The following ACSS3 variants were observed in gnomAD, a reference collection of about 807,000 sequenced individuals.
The protein encoded by ACSS3 is acyl-CoA synthetase short chain family member 3.
In ACSS3, 64 loss-of-function variants were observed where a neutral mutation model predicts 84.2. The observed-to-expected ratio is 0.76, with a 90% CI of 0.62 to 0.94. The LOEUF is 0.94. Ranked by LOEUF, ACSS3 falls within the 40% of genes least tolerant of loss-of-function variation. ACSS3 has a pLI of 0.00. For synonymous variants in ACSS3, 317 were observed against 310.1 expected, an observed-to-expected ratio of 1.02 and a Z score of -0.23; for missense variants, 815 against 867.6, an observed-to-expected ratio of 0.94 and a Z score of 0.76.
intron 2 of ACSS3, among the ~76,000 whole-genome samples, chr12:81,131,194 A>T (rs1055367347): frequency 6.6e-6 from 1 of 152,056 alleles, no homozygotes; most frequent in Non-Finnish European, 1.5e-5. Flanking sequence ...GGGGATGGCA[A>T]TAAATCTATA....
At chr12:81,233,606 C>T (rs2033535830) in intron 13 of ACSS3, 135 bp downstream of exon 13, 8 of 1,057,654 alleles carry the variant, frequency 7.6e-6, no homozygotes, top group Admixed American at 2.5e-5. Flanking sequence ...ACTCTTACAT[C>T]TCTCCCACCT....
At chr12:81,175,925 A>AT (rs1233510366) in intron 8 of ACSS3, among the ~76,000 whole-genome samples, 2 of 152,182 alleles carry the variant, frequency 1.3e-5, no homozygotes, top group Non-Finnish European at 2.9e-5. Flanking sequence ...TAACAATGTA[A>AT]TGTCACACCC....
intron 2 of ACSS3, among the ~76,000 whole-genome samples, chr12:81,131,099 T>A (rs1300753897): frequency 6.6e-6 from 1 of 152,246 alleles, no homozygotes; most frequent in Admixed American, 6.5e-5. Flanking sequence ...TAGGATTGTC[T>A]TAGCAATGCA....
At chr12:81,190,621 C>G (rs1397894213) in intron 8 of ACSS3, among the ~76,000 whole-genome samples, 2 of 151,884 alleles carry the variant, frequency 1.3e-5, no homozygotes, top group Non-Finnish European at 1.5e-5. Flanking sequence ...TTCCTAGGAT[C>G]CTCCAGTAAA....
intron 11 of ACSS3, among the ~76,000 whole-genome samples, chr12:81,224,058 A>G (rs756882870): frequency 5.9e-5 from 9 of 151,872 alleles, no homozygotes; most frequent in Non-Finnish European, 1.2e-4. Flanking sequence ...ATGATCTTTT[A>G]GGAAAGGGAA....
At chr12:81,233,990 G>A (rs549790536) in intron 13 of ACSS3, among the ~76,000 whole-genome samples, 7 of 151,434 alleles carry the variant, frequency 4.6e-5, no homozygotes, top group Non-Finnish European at 1.0e-4. Flanking sequence ...ACAGTTTCTT[G>A]TAACCATCAC....
chr12:81,217,628 A>G (rs1200165393), intron 10 of ACSS3, among the ~76,000 whole-genome samples: 1 of 152,158 alleles, frequency 6.6e-6, no homozygotes, highest in Non-Finnish European at 1.5e-5. Context: ...GGATCACATG[A>G]GGTCAGGAGT....
chr12:81,245,062 G>A (rs74694359), intron 13 of ACSS3, among the ~76,000 whole-genome samples: 1 of 152,270 alleles, frequency 6.6e-6, no homozygotes, highest in East Asian at 1.9e-4. Context: ...AAGATGCAGG[G>A]GGAGGAGAAG....
chr12:81,180,748 T>C (rs1369265174), intron 8 of ACSS3, among the ~76,000 whole-genome samples: 1 of 152,316 alleles, frequency 6.6e-6, no homozygotes, highest in East Asian at 1.9e-4. Flanking sequence ...ACTCCTGACC[T>C]TTGGTTATCT....
intron 1 of ACSS3, among the ~76,000 whole-genome samples, chr12:81,089,335 T>C (rs1881523371): frequency 6.6e-6 from 1 of 151,918 alleles, no homozygotes; most frequent in Non-Finnish European, 1.5e-5. Flanking sequence ...CTTCTGCATT[T>C]TCAAGCAGAA....
intron 8 of ACSS3, among the ~76,000 whole-genome samples, chr12:81,193,624 T>C (rs1373306431): frequency 6.6e-6 from 1 of 152,016 alleles, no homozygotes; most frequent in African/African-American, 2.4e-5. Flanking sequence ...TTAAAGTAGA[T>C]AAATCTTTCC....
chr12:81,176,372 C>A (rs1349431044), intron 8 of ACSS3, among the ~76,000 whole-genome samples: 2 of 152,006 alleles, frequency 1.3e-5, no homozygotes, highest in Non-Finnish European at 2.9e-5. Context: ...CAGTCGAGAC[C>A]ATCCTGGCCA....
chr12:81,167,418 T>C (rs1887453604), intron 7 of ACSS3, among the ~76,000 whole-genome samples: 1 of 152,154 alleles, frequency 6.6e-6, no homozygotes, highest in African/African-American at 2.4e-5. Context: ...GGGTAATTTA[T>C]ATAGAACAGA....
At chr12:81,126,095 A>G (rs1885074959) in intron 2 of ACSS3, among the ~76,000 whole-genome samples, 1 of 152,134 alleles carries the variant, frequency 6.6e-6, no homozygotes, top group South Asian at 2.1e-4. Context: ...ACTCTGTATC[A>G]TGTCTAATAT....
chr12:81,119,602 T>C (rs1884389402), intron 2 of ACSS3, among the ~76,000 whole-genome samples: 1 of 152,052 alleles, frequency 6.6e-6, no homozygotes, highest in South Asian at 2.1e-4. Flanking sequence ...ATTATTAATA[T>C]TCCTTGCTAG....
rs141962637 is a variant in ACSS3, at chr12:81,090,132, CCTCTT to C, written c.311+11702_311+11706del. 8.7e-3 allele frequency among the ~76,000 whole-genome samples: 1,324 copies of C among 152,112 alleles called. 21 individuals are homozygous for C. Among genetic ancestry groups the C allele is most frequent in the African/African-American group, 0.029 (1,198 of 41,554 alleles). ...TGTGTTTCTGTGTGTTTTCCACTCT[CCTCTT>C]ATCTTAGAGAAATGTAAGTCCTCAC... On this transcript the variant is annotated intron_variant, in intron 1 of 15. Transcript: ENST00000548058.
chr12:81,140,978 G>A (rs1291129389), intron 4 of ACSS3, among the ~76,000 whole-genome samples: 1 of 151,960 alleles, frequency 6.6e-6, no homozygotes, highest in Non-Finnish European at 1.5e-5. Flanking sequence ...GCCTTATTTT[G>A]GAGATAAAGA....
At chr12:81,171,778 C>T (rs1360039401) in intron 7 of ACSS3, among the ~76,000 whole-genome samples, 1 of 152,026 alleles carries the variant, frequency 6.6e-6, no homozygotes, top group African/African-American at 2.4e-5. Flanking sequence ...GAAATGTATC[C>T]TTAGGAGATT....
intron 8 of ACSS3, among the ~76,000 whole-genome samples, chr12:81,183,508 A>G (rs566832195): frequency 1.3e-5 from 2 of 152,124 alleles, no homozygotes; most frequent in Non-Finnish European, 2.9e-5. Flanking sequence ...TCCCTAACCA[A>G]AATCATGTAG....
Sources: allele counts gnomAD v4.1 joint callset (sites outside exome capture counted in the v4.1 genomes callset), GRCh38; gene constraint gnomAD v4.1.1; transcripts MANE v1.5; gene names NCBI Gene and HGNC (gene_info 2026-07-23, HGNC 2026-07-21).